GRIN2B: variants seen among roughly 807,000 people sequenced by gnomAD.
GRIN2B encodes the protein glutamate receptor ionotropic, NMDA 2B.
In GRIN2B, 5 loss-of-function variants were observed where a neutral mutation model predicts 114.5. The ratio of observed to expected loss-of-function variants is 0.04; its 90% CI spans 0.02 to 0.09. The LOEUF is 0.09. Ranked by LOEUF, GRIN2B falls within the 10% of genes least tolerant of loss-of-function variation. The pLI is 1.00. For missense variants in GRIN2B, 1,108 were observed against 1,943.5 expected (o/e 0.57, Z 8.08); for synonymous variants, 787 against 745.1 (o/e 1.06, Z -0.92).
chr12:13,723,304 G>GT (rs1490265170), intron 4 of GRIN2B, among the ~76,000 whole-genome samples: 1 of 151,552 alleles, frequency 6.6e-6, no homozygotes. Flanking sequence ...CCCACCTTTT[G>GT]TTTTTTAGTA....
At chr12:13,712,719 A>G (rs1950425447) in intron 4 of GRIN2B, among the ~76,000 whole-genome samples, 2 of 152,024 alleles carry the variant, frequency 1.3e-5, no homozygotes, top group South Asian at 4.1e-4. Context: ...GGGAAAGCCA[A>G]TCTTTTCTAT....
chr12:13,711,520 A>G (rs1950414003), intron 4 of GRIN2B, among the ~76,000 whole-genome samples: 1 of 152,190 alleles, frequency 6.6e-6, no homozygotes, highest in African/African-American at 2.4e-5. Context: ...ATGAACTCCA[A>G]CAAATTTATA....
At chr12:13,737,504 T>C (rs1028977314) in intron 4 of GRIN2B, among the ~76,000 whole-genome samples, 10 of 152,286 alleles carry the variant, frequency 6.6e-5, no homozygotes, top group African/African-American at 2.4e-4. Context: ...AACCACTGTG[T>C]CCGGCTGAAA....
intron 2 of GRIN2B, among the ~76,000 whole-genome samples, chr12:13,907,273 T>C (rs1469285354): frequency 6.6e-6 from 1 of 152,188 alleles, no homozygotes; most frequent in Non-Finnish European, 1.5e-5. Flanking sequence ...GATGGATCAC[T>C]TGAGGTCCAC....
chr12:13,849,821 A>C (rs1865528739), intron 3 of GRIN2B, among the ~76,000 whole-genome samples: 1 of 152,190 alleles, frequency 6.6e-6, no homozygotes. Flanking sequence ...CCCAGTCATG[A>C]GGGGTGGAAA....
chr12:13,626,713 G>T (rs1949570752), intron 5 of GRIN2B, among the ~76,000 whole-genome samples: 2 of 151,640 alleles, frequency 1.3e-5, no homozygotes, highest in Admixed American at 1.3e-4. Flanking sequence ...TGTGATTCTG[G>T]ATGAGTTCCT....
chr12:13,906,824 A>C (rs1018911882), intron 2 of GRIN2B, among the ~76,000 whole-genome samples: 3 of 152,212 alleles, frequency 2.0e-5, no homozygotes, highest in African/African-American at 7.2e-5. Context: ...TTGAAATTTT[A>C]GTATTTAATA....
At chr12:13,847,504 G>A (rs570765029) in intron 3 of GRIN2B, among the ~76,000 whole-genome samples, 1 of 152,270 alleles carries the variant, frequency 6.6e-6, no homozygotes, top group South Asian at 2.1e-4. Flanking sequence ...ACTAATGCCA[G>A]GTCCAAAGGT....
At chr12:13,751,913 T>C (rs922088349) in intron 4 of GRIN2B, among the ~76,000 whole-genome samples, 2 of 152,014 alleles carry the variant, frequency 1.3e-5, no homozygotes, top group African/African-American at 4.8e-5. Context: ...CAGATGGAAC[T>C]GGAATAGAAG....
intron 2 of GRIN2B, among the ~76,000 whole-genome samples, chr12:13,965,580 CGT>C (rs1565603259): frequency 2.6e-5 from 4 of 151,410 alleles, no homozygotes; most frequent in Admixed American, 6.6e-5. Flanking sequence ...CACACACACA[CGT>C]GTGTGTGATT....
At chr12:13,929,567 C>T (rs1866983643) in intron 2 of GRIN2B, among the ~76,000 whole-genome samples, 2 of 152,208 alleles carry the variant, frequency 1.3e-5, no homozygotes, top group African/African-American at 4.8e-5. Context: ...TGTATACCTG[C>T]TGTTACTACG....
chr12:13,792,059 T>C (rs987657034), intron 3 of GRIN2B, among the ~76,000 whole-genome samples: 1 of 152,242 alleles, frequency 6.6e-6, no homozygotes, highest in African/African-American at 2.4e-5. Context: ...CACGCCATAT[T>C]CGTCTTTCTG....
intron 4 of GRIN2B, among the ~76,000 whole-genome samples, chr12:13,682,270 TCC>T (rs1950137871): frequency 3.9e-5 from 6 of 152,204 alleles, no homozygotes; most frequent in Admixed American, 3.9e-4. Context: ...TTTAAATGAT[TCC>T]TTTGAGATAT....
In GRIN2B at chr12:13,543,380, T is replaced by A. The variant is rs1479496153; in HGVS notation, c.*19403A>T. 6.6e-6 allele frequency: 1 copy of A among 152,256 alleles called. No homozygotes were observed. The highest frequency in any genetic ancestry group is 1.5e-5 in the Non-Finnish European group (1 of 68,068). 9.4% of individuals were successfully genotyped at this position (152,256 alleles called of 1,614,324 possible). A position where few individuals can be genotyped will look rare whatever the true frequency, so the allele number is the denominator to read the frequency against. ...AATCCTCTGCCTCTAATATGCTTCA[T>A]TGTTCCTCCTTCCCTAAAAATCCTC... On this transcript the variant is annotated 3_prime_UTR_variant, in exon 14 of 14. Coordinates refer to ENST00000609686, the MANE Select transcript of GRIN2B (RefSeq NM_000834.5).
At chr12:13,797,802 A>T (rs220565) in intron 3 of GRIN2B, among the ~76,000 whole-genome samples, 148,456 of 152,308 alleles carry the variant, frequency 0.97, 72,461 homozygotes, top group Middle Eastern at 1. Flanking sequence ...TGTTGTCTAA[A>T]TTGGATGGTT....
At chr12:13,683,294 A>C (rs910054347) in intron 4 of GRIN2B, among the ~76,000 whole-genome samples, 5 of 152,182 alleles carry the variant, frequency 3.3e-5, no homozygotes, top group Admixed American at 1.3e-4. Flanking sequence ...GAAAGAATAC[A>C]GTGTATATAA....
At chr12:13,767,415 T>C (rs74065283) in intron 3 of GRIN2B, among the ~76,000 whole-genome samples, 4 of 152,054 alleles carry the variant, frequency 2.6e-5, no homozygotes, top group Admixed American at 2.6e-4. Context: ...AGAAATGTAA[T>C]TTTTTTTCTA....
intron 3 of GRIN2B, among the ~76,000 whole-genome samples, chr12:13,785,289 T>C (rs1440108131): frequency 6.6e-6 from 1 of 152,238 alleles, no homozygotes; most frequent in Admixed American, 6.5e-5. Flanking sequence ...GCATAATATG[T>C]AAGGGTTATC....
intron 4 of GRIN2B, among the ~76,000 whole-genome samples, chr12:13,732,565 G>A (rs889744069): frequency 1.3e-5 from 2 of 152,132 alleles, no homozygotes; most frequent in Non-Finnish European, 2.9e-5. Context: ...TATAGCATTT[G>A]AATTGTACTA....
Sources: allele counts gnomAD v4.1 joint callset (sites outside exome capture counted in the v4.1 genomes callset), GRCh38; gene constraint gnomAD v4.1.1; transcripts MANE v1.5; gene names NCBI Gene and HGNC (gene_info 2026-07-23, HGNC 2026-07-21).